Variants in KDM4B observed in about 807,000 individuals in gnomAD.
KDM4B encodes the protein lysine demethylase 4B, also known as lysine-specific demethylase 4B.
A neutral mutation model predicts 125.2 loss-of-function variants in KDM4B; 32 were observed. The ratio of observed to expected loss-of-function variants is 0.26; its 90% CI spans 0.19 to 0.34. The LOEUF is 0.34. Ranked by LOEUF, KDM4B falls within the 10% of genes least tolerant of loss-of-function variation. The probability of loss-of-function intolerance (pLI) is 1.00; values close to 1 mark genes in which losing one functional copy is unlikely to be tolerated. For missense variants in KDM4B, 1,190 were observed against 1,577.7 expected, an observed-to-expected ratio of 0.75 and a Z score of 4.16; for synonymous variants, 721 against 677.9, an observed-to-expected ratio of 1.06 and a Z score of -0.99.
At chr19:5,029,781 C>T (rs565763438) in intron 2 of KDM4B, among the ~76,000 whole-genome samples, 34 of 152,332 alleles carry the variant, frequency 2.2e-4, no homozygotes, top group Non-Finnish European at 3.4e-4. Context: ...GAACCGTGAC[C>T]GTGCCACTGC....
chr19:5,065,030 C>A (rs7253495), intron 6 of KDM4B, among the ~76,000 whole-genome samples: 1 of 152,092 alleles, frequency 6.6e-6, no homozygotes, highest in African/African-American at 2.4e-5. Context: ...AGGTCAGGTG[C>A]GGTGTGCTTT....
chr19:5,102,787 GC>G (rs2145957992), intron 9 of KDM4B, among the ~76,000 whole-genome samples: 1 of 152,272 alleles, frequency 6.6e-6, no homozygotes, highest in Admixed American at 6.5e-5. Flanking sequence ...TGTGGATGCC[GC>G]CCCTGACGTC....
intron 2 of KDM4B, among the ~76,000 whole-genome samples, chr19:5,026,882 C>T (rs1202201098): frequency 1.3e-5 from 2 of 152,338 alleles, no homozygotes; most frequent in African/African-American, 4.8e-5. Flanking sequence ...CTGCCGCCCC[C>T]TTTCTGCAGC....
chr19:4,996,703 C>T (rs551835329), intron 1 of KDM4B, among the ~76,000 whole-genome samples: 1 of 152,320 alleles, frequency 6.6e-6, no homozygotes, highest in South Asian at 2.1e-4. Context: ...GGTCTCTGCC[C>T]CTCCTTATAA....
intron 10 of KDM4B, chr19:5,111,378 C>T (rs530063503): frequency 9.2e-6 from 7 of 764,292 alleles, no homozygotes; most frequent in Middle Eastern, 2.2e-4. Context: ...CACTCAGAAC[C>T]CCTCCCTGCG....
chr19:5,028,120 C>T (rs1158365115), intron 2 of KDM4B, among the ~76,000 whole-genome samples: 2 of 152,104 alleles, frequency 1.3e-5, no homozygotes, highest in Admixed American at 1.3e-4. Flanking sequence ...GGCAGGCACG[C>T]ACCACCATGC....
intron 9 of KDM4B, among the ~76,000 whole-genome samples, chr19:5,090,360 CT>C (rs34262700): frequency 0.099 from 13,819 of 139,664 alleles, 998 homozygotes; most frequent in Admixed American, 0.21. Flanking sequence ...CTCTCTCTCT[CT>C]CCTCATCTCT....
Position 5,115,360 on chromosome 19 carries a change from C to T in KDM4B, c.1116-4293C>T, listed in dbSNP as rs986843212. On this transcript the variant is annotated intron_variant, in intron 10 of 22. Transcript: ENST00000159111. The surrounding 1 kb of genome is among the most constrained non-coding windows in gnomAD (Gnocchi z 4.2). ...CGCCTTCCTGGGGTCAGCAGTGGGG[C>T]CCAGCTGCCAGCCTCACATCCCCCC... Among the ~76,000 whole-genome samples the T allele has an allele frequency of 6.6e-6, 1 of 152,142 alleles. No individual in the cohort carries two copies. The highest frequency in any genetic ancestry group is 2.4e-5 in the African/African-American group (1 of 41,428).
intron 1 of KDM4B, among the ~76,000 whole-genome samples, chr19:4,980,862 G>C (rs1197068092): frequency 1.0e-4 from 15 of 149,270 alleles, no homozygotes; most frequent in Admixed American, 9.2e-4. Context: ...CTGTGGCAGA[G>C]CTCAGGGATT....
At chr19:5,132,361 T>C (rs1344171341) in intron 13 of KDM4B, among the ~76,000 whole-genome samples, 1 of 151,936 alleles carries the variant, frequency 6.6e-6, no homozygotes, top group East Asian at 1.9e-4. Flanking sequence ...CCGCGAAGCT[T>C]TGAGTGGGAG....
intron 11 of KDM4B, among the ~76,000 whole-genome samples, chr19:5,122,273 C>G (rs1428883976): frequency 6.6e-6 from 1 of 152,234 alleles, no homozygotes; most frequent in Non-Finnish European, 1.5e-5. Context: ...TCCGGTCTCT[C>G]TCTGACTCTT....
At chr19:5,105,742 A>G (rs574071474) in intron 9 of KDM4B, among the ~76,000 whole-genome samples, 48 of 152,286 alleles carry the variant, frequency 3.2e-4, no homozygotes, top group East Asian at 3.1e-3. Flanking sequence ...AGCCAGCCCA[A>G]ACTTATTGTA....
At chr19:5,134,266 A>T (rs1183435264) in intron 14 of KDM4B, among the ~76,000 whole-genome samples, 1 of 152,152 alleles carries the variant, frequency 6.6e-6, no homozygotes, top group Non-Finnish European at 1.5e-5. Context: ...TAACGTGCCC[A>T]TGTGCAACAT....
At chr19:5,047,425 A>G (rs981805295) in intron 5 of KDM4B, 51 bp from the exon 6 acceptor site, 4 of 1,521,590 alleles carry the variant, frequency 2.6e-6, no homozygotes, top group South Asian at 1.2e-5. Context: ...CAGGGCTCGC[A>G]GGTTCTGGGG....
At chr19:5,145,689 C>T (rs772837106) in intron 21 of KDM4B, among the ~76,000 whole-genome samples, 24 of 152,176 alleles carry the variant, frequency 1.6e-4, no homozygotes, top group Admixed American at 5.2e-4. Flanking sequence ...AGCCTGGTGC[C>T]GCACTTCCCT....
chr19:5,139,348 G>A (rs1011013868), intron 18 of KDM4B, among the ~76,000 whole-genome samples: 1 of 152,202 alleles, frequency 6.6e-6, no homozygotes, highest in African/African-American at 2.4e-5. Context: ...GGCACCCGCC[G>A]ATGTCTCTGC....
intron 9 of KDM4B, among the ~76,000 whole-genome samples, chr19:5,095,242 T>C (rs1033651595): frequency 6.6e-6 from 1 of 151,910 alleles, no homozygotes; most frequent in African/African-American, 2.4e-5. Context: ...GGGCTGGGAG[T>C]TGGCGCTGCA....
At chr19:5,146,331 CCACCCG>C (rs2146109739) in intron 21 of KDM4B, among the ~76,000 whole-genome samples, 1 of 152,368 alleles carries the variant, frequency 6.6e-6, no homozygotes, top group Non-Finnish European at 1.5e-5. Flanking sequence ...CAGGCTGGCC[CCACCCG>C]GTCACCACTC....
At chr19:5,144,926 C>T (rs372039695) in intron 21 of KDM4B, 24 bp downstream of exon 21, 111 of 1,612,370 alleles carry the variant, frequency 6.9e-5, no homozygotes, top group South Asian at 6.8e-4. Flanking sequence ...CTGGCAGCCG[C>T]GCCATGCCTT....
Sources: gnomAD v4.1 joint callset for allele counts (sites outside exome capture counted in the v4.1 genomes callset) on GRCh38, gnomAD v4.1.1 for gene constraint, Gnocchi (gnomAD v3.1) non-coding constraint, MANE v1.5 for transcripts, NCBI Gene and HGNC (gene_info 2026-07-23, HGNC 2026-07-21) for gene names.